CDH18: variants seen among roughly 807,000 people sequenced by gnomAD.
CDH18 encodes the protein cadherin-18.
In CDH18, 31 loss-of-function variants were observed where a neutral mutation model predicts 67.9. The ratio of observed to expected loss-of-function variants is 0.46; its 90% CI spans 0.34 to 0.62. The LOEUF is 0.62. Ranked by LOEUF, CDH18 falls within the 20% of genes least tolerant of loss-of-function variation. The probability of loss-of-function intolerance (pLI) is 0.01; values close to 1 mark genes in which losing one functional copy is unlikely to be tolerated. For synonymous variants in CDH18, 362 were observed against 347.2 expected (o/e 1.04, Z -0.48); for missense variants, 890 against 975.5 (o/e 0.91, Z 1.17).
rs190648546 is a variant in CDH18 at position 19,881,804 on chromosome 5, C to T, written c.-256-42562G>A. On this transcript the variant is annotated intron_variant, in intron 2 of 12. Coordinates refer to ENST00000382275, the MANE Select transcript of CDH18 (RefSeq NM_004934.5). Reference sequence around the variant, plus strand: ...TACAGGCATGAGCCACTGCACCTGGCCTCAAATGCCTTTTGAATTACCTTT... The same window carrying T: ...TACAGGCATGAGCCACTGCACCTGGTCTCAAATGCCTTTTGAATTACCTTT... 4.6e-5 allele frequency among the ~76,000 whole-genome samples: 7 copies of T among 152,238 alleles called. No homozygotes were observed. The East Asian group carries it at 1.4e-3, about 29-fold the overall frequency.
At chr5:19,922,224 T>G (rs1310262940) in intron 2 of CDH18, among the ~76,000 whole-genome samples, 1 of 152,146 alleles carries the variant, frequency 6.6e-6, no homozygotes, top group African/African-American at 2.4e-5. Context: ...TGATAATAAT[T>G]TAATAGAAGG....
chr5:19,486,331 A>G (rs1329242244), intron 11 of CDH18, among the ~76,000 whole-genome samples: 1 of 151,192 alleles, frequency 6.6e-6, no homozygotes, highest in South Asian at 2.1e-4. Context: ...ATATATACAC[A>G]CATACATATA....
At chr5:20,228,930 C>T (rs1312001476) in intron 2 of CDH18, among the ~76,000 whole-genome samples, 1 of 152,070 alleles carries the variant, frequency 6.6e-6, no homozygotes, top group Non-Finnish European at 1.5e-5. Context: ...AGATTATAGT[C>T]ACAGGCTCTG....
At chr5:19,932,937 T>G (rs947090896) in intron 2 of CDH18, among the ~76,000 whole-genome samples, 1 of 151,662 alleles carries the variant, frequency 6.6e-6, no homozygotes, top group Non-Finnish European at 1.5e-5. Context: ...TAATTTTTAC[T>G]TGTTTCTTAT....
chr5:20,173,244 G>T (rs1169461706), intron 2 of CDH18, among the ~76,000 whole-genome samples: 3 of 152,102 alleles, frequency 2.0e-5, no homozygotes, highest in Admixed American at 1.3e-4. Context: ...CATAATAACA[G>T]ATTGTGACAA....
chr5:20,099,507 G>A (rs1254706006), intron 2 of CDH18, among the ~76,000 whole-genome samples: 1 of 151,942 alleles, frequency 6.6e-6, no homozygotes, highest in Non-Finnish European at 1.5e-5. Context: ...TAAAATTATT[G>A]TCTCCCATTT....
intron 1 of CDH18, among the ~76,000 whole-genome samples, chr5:20,360,950 T>A (rs1441552688): frequency 3.9e-5 from 6 of 152,092 alleles, no homozygotes; most frequent in Non-Finnish European, 7.4e-5. Flanking sequence ...AACATTGTAA[T>A]AGAGTATTCA....
chr5:20,000,941 A>T (rs1736392356), intron 2 of CDH18, among the ~76,000 whole-genome samples: 1 of 152,216 alleles, frequency 6.6e-6, no homozygotes, highest in Non-Finnish European at 1.5e-5. Flanking sequence ...ATGTAACTTT[A>T]TATGACTAAT....
intron 1 of CDH18, among the ~76,000 whole-genome samples, chr5:20,327,051 T>C (rs942065505): frequency 5.3e-5 from 8 of 152,202 alleles, no homozygotes; most frequent in Admixed American, 5.2e-4. Flanking sequence ...TTTGCAGATA[T>C]GTAGCTATAA....
intron 1 of CDH18, among the ~76,000 whole-genome samples, chr5:20,262,334 T>G (rs970747324): frequency 2.6e-5 from 4 of 152,214 alleles, no homozygotes; most frequent in Non-Finnish European, 5.9e-5. Flanking sequence ...AATAACTAGG[T>G]CAGTCCTCTT....
At chr5:19,665,751 T>C (rs968605707) in intron 5 of CDH18, among the ~76,000 whole-genome samples, 1 of 152,086 alleles carries the variant, frequency 6.6e-6, no homozygotes, top group Non-Finnish European at 1.5e-5. Context: ...TGTGAGGAAG[T>C]TGACCTACGA....
In CDH18 at chr5:19,839,072, G is replaced by A. The variant is rs1781992404; in HGVS notation, c.-86C>T. 1 of 1,009,524 alleles carries A rather than the reference G, an allele frequency of 9.9e-7. No individual in the cohort carries two copies. 62.5% of individuals were successfully genotyped at this position (1,009,524 alleles called of 1,614,324 possible). On this transcript the variant is annotated 5_prime_UTR_variant, in exon 3 of 13. Coordinates refer to ENST00000382275, the MANE Select transcript of CDH18 (RefSeq NM_004934.5). ...GTGAGCATTCAAGAGAGAAGCCAGAGCATCTTTAGGAAGGACAGTCCAAAG... is the reference window on the plus strand; with the variant it reads ...GTGAGCATTCAAGAGAGAAGCCAGAACATCTTTAGGAAGGACAGTCCAAAG...
intron 9 of CDH18, among the ~76,000 whole-genome samples, chr5:19,541,750 C>T (rs866147409): frequency 3.3e-5 from 5 of 151,978 alleles, no homozygotes; most frequent in Non-Finnish European, 7.4e-5. Flanking sequence ...ATTCAATTAC[C>T]TCCCATTGGG....
chr5:19,951,965 C>T (rs1282598991), intron 2 of CDH18, among the ~76,000 whole-genome samples: 6 of 152,026 alleles, frequency 3.9e-5, no homozygotes, highest in Admixed American at 3.3e-4. Flanking sequence ...GAAACAGAAG[C>T]CAAAAAGATA....
chr5:19,977,337 T>A (rs1308370826), intron 2 of CDH18, among the ~76,000 whole-genome samples: 1 of 152,154 alleles, frequency 6.6e-6, no homozygotes, highest in Non-Finnish European at 1.5e-5. Flanking sequence ...TTAGCTGAAG[T>A]TATTCCCCAA....
intron 2 of CDH18, among the ~76,000 whole-genome samples, chr5:20,032,994 A>C (rs542259114): frequency 6.6e-6 from 1 of 152,092 alleles, no homozygotes; most frequent in Admixed American, 6.6e-5. Context: ...GAAAGTACCA[A>C]TGTTGAGATA....
At chr5:19,982,356 A>T (rs1291413869) in intron 1 of CDH18, among the ~76,000 whole-genome samples, 1 of 152,124 alleles carries the variant, frequency 6.6e-6, no homozygotes, top group Non-Finnish European at 1.5e-5. Flanking sequence ...AAAAATAAAT[A>T]CAATATAAAC....
chr5:20,235,280 G>C (rs1210837982), intron 2 of CDH18, among the ~76,000 whole-genome samples: 1 of 152,124 alleles, frequency 6.6e-6, no homozygotes, highest in Admixed American at 6.6e-5. Context: ...TTGACAGCTT[G>C]GACCTAATTA....
At chr5:20,216,320 A>G (rs918805172) in intron 2 of CDH18, among the ~76,000 whole-genome samples, 5 of 151,994 alleles carry the variant, frequency 3.3e-5, no homozygotes, top group Admixed American at 1.3e-4. Flanking sequence ...GAAAGTTTCA[A>G]TTTGTATAAA....
Sources: allele counts gnomAD v4.1 joint callset (sites outside exome capture counted in the v4.1 genomes callset), GRCh38; gene constraint gnomAD v4.1.1; transcripts MANE v1.5; gene names NCBI Gene and HGNC (gene_info 2026-07-23, HGNC 2026-07-21).